The following ATP4A variants were observed in gnomAD, a reference collection of about 807,000 sequenced individuals.
ATP4A encodes potassium-transporting ATPase alpha chain 1.
In ATP4A, 73 loss-of-function variants were observed where a neutral mutation model predicts 112.1. That is an observed-to-expected ratio of 0.65 (90% confidence interval 0.54 to 0.79). The LOEUF is 0.79. Among genes scored for constraint, ATP4A ranks in the 30% least tolerant of loss-of-function variants. The pLI is 0.00. For synonymous variants in ATP4A, 588 were observed against 588.9 expected, an observed-to-expected ratio of 1.00 and a Z score of 0.02; for missense variants, 1,081 against 1,425.9, an observed-to-expected ratio of 0.76 and a Z score of 3.90.
In ATP4A at chr19:35,555,314, C is replaced by T. The variant is rs768987341; in HGVS notation, c.2178G>A (p.Thr726=). ...CTGGGGAGTCATTCACACCATCCCC[C>T]GTGACGGCCACAATCGCACCCTGCA... is the stretch of plus-strand genomic sequence containing the variant. The part of the protein sequence containing the change: ...CQRLGAIVAV[T]GDGVNDSPAL... Residue 726 remains threonine, a synonymous_variant, in exon 15 of 22, where the codon ACG becomes ACA. Coordinates refer to ENST00000262623, the MANE Select transcript of ATP4A (RefSeq NM_000704.3). The surrounding 1 kb of genome is among the most constrained non-coding windows in gnomAD (Gnocchi z 6.6). 2.1e-5 allele frequency: 34 copies of T among 1,613,844 alleles called. No individual in the cohort carries two copies. Among genetic ancestry groups the T allele is most frequent in the Admixed American group, 1.7e-4 (10 of 59,982 alleles).
rs1253293110 is a variant in ATP4A at position 35,559,796 on chromosome 19, C to G, written c.1056+9G>C. On this transcript the variant is annotated intron_variant, in intron 7 of 21. Coordinates refer to ENST00000262623, the MANE Select transcript of ATP4A (RefSeq NM_000704.3). The surrounding 1 kb of genome is among the most constrained non-coding windows in gnomAD (Gnocchi z 4.1). ...TCAGCTCCCTGCATCCCCGCCTGCC[C>G]CCACTCACTGTGACAGTGGCCAGCA... 8.1e-6 allele frequency: 13 copies of G among 1,612,562 alleles called. No individual in the cohort carries two copies. The highest frequency in any genetic ancestry group is 1.3e-5 in the African/African-American group (1 of 74,878).
At position 35,551,188 on chromosome 19, in the gene ATP4A, G is replaced by A. The variant is rs2146305452; in HGVS notation, c.2886-77C>T. ...AATCAGGATACTGTGGGTCAAAGTA[G>A]GTCAGATGTCAGCAGCAGCAGGGAG... On this transcript the variant is annotated intron_variant, in intron 19 of 21. Transcript: ENST00000262623. This position sits in a 1 kb window ranked among gnomAD's most constrained non-coding sequence, Gnocchi z 5.2. 2 of 1,427,700 alleles carry A rather than the reference G, an allele frequency of 1.4e-6. No individual in the cohort carries two copies. Among genetic ancestry groups the A allele is most frequent in the Middle Eastern group, 1.9e-4 (1 of 5,346 alleles). 88.4% of individuals were successfully genotyped at this position (1,427,700 alleles called of 1,614,324 possible).
Position 35,558,706 on chromosome 19 carries a change from G to A in ATP4A, c.1256-20C>T. 6.4e-7 allele frequency: 1 copy of A among 1,567,276 alleles called. No individual in the cohort carries two copies. Among genetic ancestry groups the A allele is most frequent in the Non-Finnish European group, 8.6e-7 (1 of 1,158,870 alleles). On this transcript the variant is annotated intron_variant, in intron 8 of 21. Transcript: ENST00000262623. The surrounding 1 kb of genome is among the most constrained non-coding windows in gnomAD (Gnocchi z 5.1). ...TCTGCCCTGCAGACCAGGCGTCCAG[G>A]CTGGGTCCCGCACGGCGGCTCTCCC...
rs1224970065 is a variant in ATP4A at position 35,555,381 on chromosome 19, C to T, written c.2158-47G>A. On this transcript the variant is annotated intron_variant, in intron 14 of 21. Transcript: ENST00000262623. This position sits in a 1 kb window ranked among gnomAD's most constrained non-coding sequence, Gnocchi z 6.6. ...GGTGGGTGGGTGGTCAGTGAGAGGC[C>T]GGTCCAAGACCAGCCCCGCCTGTCT... 5.6e-6 allele frequency: 9 copies of T among 1,593,774 alleles called. No homozygotes were observed. Among genetic ancestry groups the T allele is most frequent in the South Asian group, 2.3e-5 (2 of 87,720 alleles).
chr19:35,557,907 A>C lies in ATP4A; in HGVS notation c.1501-60T>G. Reference sequence around the variant, plus strand: ...GGGGAACGGGGCGGGGCTGTGGACGAGGGAACGGGGCGGGGCTGAGGAGAG... The same window carrying C: ...GGGGAACGGGGCGGGGCTGTGGACGCGGGAACGGGGCGGGGCTGAGGAGAG... On this transcript the variant is annotated intron_variant, in intron 10 of 21. Transcript: ENST00000262623. This position sits in a 1 kb window ranked among gnomAD's most constrained non-coding sequence, Gnocchi z 4.4. 4 of 258,442 alleles carry C rather than the reference A, an allele frequency of 1.5e-5. No homozygotes were observed. Among genetic ancestry groups the C allele is most frequent in the East Asian group, 9.2e-5 (1 of 10,914 alleles). 16.0% of individuals were successfully genotyped at this position (258,442 alleles called of 1,614,324 possible). A position where few individuals can be genotyped will look rare whatever the true frequency, so the allele number is the denominator to read the frequency against.
rs988442920 is a variant in ATP4A at position 35,560,355 on chromosome 19, T to G, written c.787+8A>C. On this transcript the variant is annotated splice_region_variant and intron_variant, in intron 6 of 21. Coordinates refer to ENST00000262623, the MANE Select transcript of ATP4A (RefSeq NM_000704.3). This position sits in a 1 kb window ranked among gnomAD's most constrained non-coding sequence, Gnocchi z 5.1. ...GTTACTGGGCAGGCAGGCGGGGGCTTCACAGACCCTCAAGGCACATGGTGG... is the reference window on the plus strand; with the variant it reads ...GTTACTGGGCAGGCAGGCGGGGGCTGCACAGACCCTCAAGGCACATGGTGG... The G allele has an allele frequency of 1.2e-6, 2 of 1,612,590 alleles. No individual in the cohort carries two copies. Among genetic ancestry groups the G allele is most frequent in the East Asian group, 4.5e-5 (2 of 44,844 alleles).
Position 35,560,992 on chromosome 19 carries a change from A to G in ATP4A, c.421-60T>C. The G allele has an allele frequency of 7.1e-7, 1 of 1,410,974 alleles. No homozygotes were observed. Among genetic ancestry groups the G allele is most frequent in the South Asian group, 1.2e-5 (1 of 86,772 alleles). 87.4% of individuals were successfully genotyped at this position (1,410,974 alleles called of 1,614,324 possible). ...GGCCGGAAGCTGCCTGCCTGAGGCC[A>G]CCGACCTGCTCCCTGGTGCCCTGGT... is the stretch of plus-strand genomic sequence containing the variant. On this transcript the variant is annotated intron_variant, in intron 4 of 21. Transcript: ENST00000262623. This position sits in a 1 kb window ranked among gnomAD's most constrained non-coding sequence, Gnocchi z 5.1.
Position 35,553,021 on chromosome 19 carries a change from G to T in ATP4A, c.2751+16C>A. 1 of 1,579,530 alleles carries T rather than the reference G, an allele frequency of 6.3e-7. No individual in the cohort carries two copies. Among genetic ancestry groups the T allele is most frequent in the East Asian group, 2.3e-5 (1 of 43,644 alleles). On this transcript the variant is annotated intron_variant, in intron 18 of 21. Transcript: ENST00000262623. ...GGAGGGAGCCCAGGGATGGGATGGG[G>T]CGGGGCAGGGCTCACCCACTCCTGG...
rs2071635980 is a variant in ATP4A at position 35,557,174 on chromosome 19, C to A, written c.1694-86G>T. On this transcript the variant is annotated intron_variant, in intron 11 of 21. Transcript: ENST00000262623. The surrounding 1 kb of genome is among the most constrained non-coding windows in gnomAD (Gnocchi z 4.4). The stretch of plus-strand genomic sequence containing the variant: ...GGAAATGGGTAAAATAACCAGGCCC[C>A]TTGCACCAAACACCTATGGATGCCT... The A allele has an allele frequency of 4.7e-6, 7 of 1,493,360 alleles. No individual in the cohort carries two copies. Among genetic ancestry groups the A allele is most frequent in the Non-Finnish European group, 4.6e-6 (5 of 1,087,402 alleles). 92.5% of individuals were successfully genotyped at this position (1,493,360 alleles called of 1,614,324 possible).
Position 35,559,805 on chromosome 19 carries a change from T to A in ATP4A, c.1056A>T (p.Thr352=). 1 of 1,613,690 alleles carries A rather than the reference T, an allele frequency of 6.2e-7. No individual in the cohort carries two copies. The highest frequency in any genetic ancestry group is 1.3e-5 in the African/African-American group (1 of 75,012). The change falls in exon 7 of 22, where the codon ACA becomes ACT. Residue 352 remains threonine, a splice_region_variant and synonymous_variant. Coordinates refer to ENST00000262623, the MANE Select transcript of ATP4A (RefSeq NM_000704.3). The surrounding 1 kb of genome is among the most constrained non-coding windows in gnomAD (Gnocchi z 4.1). ...YVPEGLLATV[T]VCLSLTAKRL... is the part of the protein sequence containing the mutation. ...TGCATCCCCGCCTGCCCCCACTCAC[T>A]GTGACAGTGGCCAGCAGCCCCTCAG...
Position 35,559,874 on chromosome 19 carries a change from C to G in ATP4A, c.987G>C (p.Leu329=). Residue 329 remains leucine (L), a synonymous_variant, in exon 7 of 22, where the codon CTG becomes CTC. Transcript: ENST00000262623. This position sits in a 1 kb window ranked among gnomAD's most constrained non-coding sequence, Gnocchi z 4.1. ...IVAMCIGYTF[L]RAMVFFMAIV... is the part of the protein sequence containing the mutation. ...TGGCCATGAAGAAGACCATGGCCCG[C>G]AGGAAGGTGTAGCCAATGCACATGG... 6.2e-7 allele frequency: 1 copy of G among 1,614,170 alleles called. No homozygotes were observed. Among genetic ancestry groups the G allele is most frequent in the Non-Finnish European group, 8.5e-7 (1 of 1,180,036 alleles).
In ATP4A at chr19:35,560,687, A is replaced by G; in HGVS notation, c.535-72T>C. 6.3e-7 allele frequency: 1 copy of G among 1,589,710 alleles called. No homozygotes were observed. Among genetic ancestry groups the G allele is most frequent in the Non-Finnish European group, 8.6e-7 (1 of 1,164,424 alleles). On this transcript the variant is annotated intron_variant, in intron 5 of 21. Coordinates refer to ENST00000262623, the MANE Select transcript of ATP4A (RefSeq NM_000704.3). This position sits in a 1 kb window ranked among gnomAD's most constrained non-coding sequence, Gnocchi z 5.1. ...GGAGCTGCTGCATGTGGGGAGGTAA[A>G]GGATGAGGAGAGCTGGGACCCATGG...
At position 35,557,636 on chromosome 19, in the gene ATP4A, C is replaced by G; in HGVS notation, c.1693+19G>C. 2 of 1,595,074 alleles carry G rather than the reference C, an allele frequency of 1.3e-6. No individual in the cohort carries two copies. The highest frequency in any genetic ancestry group is 1.1e-5 in the South Asian group (1 of 88,314). On this transcript the variant is annotated intron_variant, in intron 11 of 21. Coordinates refer to ENST00000262623, the MANE Select transcript of ATP4A (RefSeq NM_000704.3). The surrounding 1 kb of genome is among the most constrained non-coding windows in gnomAD (Gnocchi z 4.4). ...TCCTCCTCGCACCTGGAGTCTCCTCCCCTGCCCAGGGGTCTCACCGAGCAC... is the reference window on the plus strand; with the variant it reads ...TCCTCCTCGCACCTGGAGTCTCCTCGCCTGCCCAGGGGTCTCACCGAGCAC...
In ATP4A at chr19:35,558,131, G is replaced by A; in HGVS notation, c.1500+231C>T. 2 of 645,518 alleles carry A rather than the reference G, an allele frequency of 3.1e-6. No homozygotes were observed. The highest frequency in any genetic ancestry group is 5.2e-6 in the Non-Finnish European group (2 of 382,030). 40.0% of individuals were successfully genotyped at this position (645,518 alleles called of 1,614,324 possible). A position where few individuals can be genotyped will look rare whatever the true frequency, so the allele number is the denominator to read the frequency against. The stretch of plus-strand genomic sequence containing the variant: ...GCTGGGGGCGGATTTGGAGAGCGAG[G>A]TGCTCCCCATGGACAGTCCCGCCGA... On this transcript the variant is annotated intron_variant, in intron 10 of 21. Coordinates refer to ENST00000262623, the MANE Select transcript of ATP4A (RefSeq NM_000704.3). This position sits in a 1 kb window ranked among gnomAD's most constrained non-coding sequence, Gnocchi z 5.1.
rs71167554 is a variant in ATP4A, at chr19:35,561,847, CTTTT to C, written c.420+584_420+587del. ...TGTCCTCTGCTTCCAAGTCCCATCTCTTTTTTTTTTTTTTTTTTTTTTTTTTAAG... is the reference window on the plus strand; with the variant it reads ...TGTCCTCTGCTTCCAAGTCCCATCTCTTTTTTTTTTTTTTTTTTTTTTAAG... On this transcript the variant is annotated intron_variant, in intron 4 of 21. Transcript: ENST00000262623. Among the ~76,000 whole-genome samples, 13 of 103,808 alleles carry C rather than the reference CTTTT, an allele frequency of 1.3e-4. 1 individual carries two copies. Among genetic ancestry groups the C allele is most frequent in the African/African-American group, 4.2e-4 (10 of 23,826 alleles). 68.1% of individuals were successfully genotyped at this position (103,808 alleles called of 152,430 possible). A position where few individuals can be genotyped will look rare whatever the true frequency, so the allele number is the denominator to read the frequency against.
At chr19:35,554,802 C>T in intron 16 of ATP4A, 120 bp downstream of exon 16, 1 of 1,404,386 alleles carries the variant, frequency 7.1e-7, no homozygotes, top group Non-Finnish European at 9.8e-7. Flanking sequence ...ATTGCACACA[C>T]AGGTCTTGTC....
chr19:35,558,420 T>G lies in ATP4A; in HGVS notation c.1442A>C (p.Tyr481Ser). 3 of 1,610,060 alleles carry G rather than the reference T, an allele frequency of 1.9e-6. No homozygotes were observed. The highest frequency in any genetic ancestry group is 2.5e-6 in the Non-Finnish European group (3 of 1,178,426). ...GCAGACTTTTGGGAAGCGGTCCCGG[T>G]AGCCCATGGCGTTGCCCAGCGTCAG... ...SELTLGNAMG[Y>S]RDRFPKVCEI... The change falls in exon 10 of 22, where the codon TAC becomes TCC. Residue 481 changes from tyrosine to serine, a missense_variant. Around this residue, in one of 3 missense-constraint regions of ATP4A, gnomAD observed 850 missense variants for 1,068.2 expected, o/e 0.80. Coordinates refer to ENST00000262623, the MANE Select transcript of ATP4A (RefSeq NM_000704.3). The surrounding 1 kb of genome is among the most constrained non-coding windows in gnomAD (Gnocchi z 5.1).
chr19:35,557,670 C>A lies in ATP4A; in HGVS notation c.1678G>T (p.Gly560Cys). ...GGGGTCTCACCGAGCACGCGTTCGC[C>A]CAGGCCTCCCAGGCTGAGGTAGGCG... ...QTAYLSLGGL[G>C]ERVLGFCQLY... Residue 560 changes from glycine (G) to cysteine (C), a missense_variant, in exon 11 of 22, where the codon GGC (glycine) becomes TGC (cysteine). Physicochemically the swap from Gly to Cys is radical, Grantham distance 159 (BLOSUM62 -3). Transcript: ENST00000262623. The surrounding 1 kb of genome is among the most constrained non-coding windows in gnomAD (Gnocchi z 4.4). The A allele has an allele frequency of 6.2e-7, 1 of 1,607,904 alleles. No individual in the cohort carries two copies. Among genetic ancestry groups the A allele is most frequent in the Middle Eastern group, 2.1e-4 (1 of 4,790 alleles).
rs1308094845 is a variant in ATP4A at position 35,555,826 on chromosome 19, C to A, written c.1870-14G>T. On this transcript the variant is annotated splice_polypyrimidine_tract_variant and intron_variant, in intron 12 of 21. Transcript: ENST00000262623. This position sits in a 1 kb window ranked among gnomAD's most constrained non-coding sequence, Gnocchi z 6.6. ...TACCATGATCACCTGTAGGGGGAAC[C>A]AGTGGATCACTGACCCCTTCAGATC... is the stretch of plus-strand genomic sequence containing the variant. 6.3e-7 allele frequency: 1 copy of A among 1,596,868 alleles called. No homozygotes were observed. The highest frequency in any genetic ancestry group is 8.6e-7 in the Non-Finnish European group (1 of 1,167,124).
Sources: allele counts gnomAD v4.1 joint callset (sites outside exome capture counted in the v4.1 genomes callset), GRCh38; gene constraint gnomAD v4.1.1; regional missense constraint gnomAD v4.1.1; non-coding constraint Gnocchi (gnomAD v3.1); transcripts MANE v1.5; gene names NCBI Gene and HGNC (gene_info 2026-07-23, HGNC 2026-07-21).